Variants in CD177 observed in about 807,000 individuals in gnomAD.
CD177 encodes the protein CD177 antigen.
CD177 carries 41 observed loss-of-function variants against 38.1 expected under a neutral mutation model. That is an observed-to-expected ratio of 1.07 (90% CI 0.84 to 1.39). The LOEUF is 1.39. CD177 is among the 40% of genes most tolerant of loss of function. The pLI is 0.00. For missense variants in CD177, 619 were observed against 523.8 expected (o/e 1.18, Z -1.77); for synonymous variants, 236 against 216.7 (o/e 1.09, Z -0.78).
chr19:43,362,446 A>G lies in CD177; in HGVS notation c.*126A>G, dbSNP rs995235076. ...TCTGTCCATGAATCATCTTCCCCAC[A>G]CACAATCATTCATATCTACTCACCT... On this transcript the variant is annotated 3_prime_UTR_variant, in exon 9 of 9. Transcript: ENST00000618265. The G allele has an allele frequency of 1.7e-6, 1 of 581,874 alleles. No individual in the cohort carries two copies. Among genetic ancestry groups the G allele is most frequent in the African/African-American group, 1.9e-5 (1 of 53,498 alleles). The allele number at this position is 581,874 out of a possible 1,614,324, so 36.0% of individuals were successfully genotyped here. A position where few individuals can be genotyped will look rare whatever the true frequency, so the allele number is the denominator to read the frequency against.
chr19:43,353,721 G>A lies in CD177; in HGVS notation c.7G>A (p.Ala3Thr), dbSNP rs45441892. 10 of 1,613,594 alleles carry A rather than the reference G, an allele frequency of 6.2e-6. No individual in the cohort carries two copies. The South Asian group carries it at 8.8e-5, about 14-fold the overall frequency. ...TACCAGCCACAGACGGGTCATGAGC[G>A]CGGTATTACTGCTGGCCCTCCTGGG... Reference protein sequence around the residue: MSAVLLLALLGFI... With the variant: MSTVLLLALLGFI... The change falls in exon 1 of 9, where the codon GCG (alanine) becomes ACG (threonine). Residue 3 changes from alanine (A) to threonine (T), a missense_variant. Physicochemically the swap from Ala to Thr is moderately conservative, Grantham distance 58 (BLOSUM62 0). Coordinates refer to ENST00000618265, the MANE Select transcript of CD177 (RefSeq NM_020406.4).
intron 3 of CD177, 109 bp downstream of exon 3, chr19:43,354,501 C>A: frequency 8.7e-7 from 1 of 1,149,364 alleles, no homozygotes. Context: ...TATCCCGACC[C>A]TCGCTGGCTC....
intron 6 of CD177, 91 bp downstream of exon 6, chr19:43,360,496 T>C: frequency 1.6e-6 from 2 of 1,287,878 alleles, no homozygotes; most frequent in South Asian, 2.9e-5. Context: ...AATTTCCTGC[T>C]CAGCTCCCTT....
Position 43,361,722 on chromosome 19 carries a change from G to C in CD177, c.1081+143G>C. Reference sequence around the variant, plus strand: ...CTGGACTCCTGGTCCGAGGGAGGAGGGGCTGGGGGCCTGGACTCCTGGTCT... The same window carrying C: ...CTGGACTCCTGGTCCGAGGGAGGAGCGGCTGGGGGCCTGGACTCCTGGTCT... On this transcript the variant is annotated intron_variant, in intron 8 of 8. Transcript: ENST00000618265. 9 of 885,120 alleles carry C rather than the reference G, an allele frequency of 1.0e-5. No homozygotes were observed. The South Asian group carries it at 1.6e-4, about 15-fold the overall frequency. The allele number at this position is 885,120 out of a possible 1,614,324, so 54.8% of individuals were successfully genotyped here. A position where few individuals can be genotyped will look rare whatever the true frequency, so the allele number is the denominator to read the frequency against.
Position 43,362,246 on chromosome 19 carries a change from G to A in CD177, c.1240G>A (p.Glu414Lys). The A allele has an allele frequency of 6.2e-7, 1 of 1,611,046 alleles. No individual in the cohort carries two copies. Among genetic ancestry groups the A allele is most frequent in the East Asian group, 2.2e-5 (1 of 44,840 alleles). The change falls in exon 9 of 9, where the codon GAG (glutamate) becomes AAG (lysine). Residue 414 changes from glutamate to lysine, a missense_variant. Physicochemically the swap from Glu to Lys is moderately conservative, Grantham distance 56 (BLOSUM62 1). Transcript: ENST00000618265. Reference protein sequence around the residue: ...QHEGGGAEGLESLTWGVGLAL... With the variant: ...QHEGGGAEGLKSLTWGVGLAL... ...TGAGGGAGGTGGGGCTGAGGGCCTG[G>A]AGTCTCTCACTTGGGGGGTGGGGCT...
chr19:43,355,601 G>C, intron 3 of CD177, 60 bp from the exon 4 acceptor site: 3 of 1,605,800 alleles, frequency 1.9e-6, no homozygotes, highest in South Asian at 2.2e-5. Context: ...TGCAGAGAAG[G>C]TATCTGATCA....
chr19:43,354,244 G>C lies in CD177; in HGVS notation c.231G>C (p.Thr77=). The part of the protein sequence containing the change: ...QVSLVLSKGC[T]EAKDQEPRVT... The stretch of plus-strand genomic sequence containing the variant: ...GCCTGGTGCTCTCCAAGGGCTGCAC[G>C]GAGGCCAAGGACCAGGAGCCCCGCG... The change falls in exon 3 of 9, where the codon ACG becomes ACC. Residue 77 remains threonine (T), a synonymous_variant. Transcript: ENST00000618265. 1.2e-6 allele frequency: 2 copies of C among 1,613,650 alleles called. No homozygotes were observed. The highest frequency in any genetic ancestry group is 1.7e-6 in the Non-Finnish European group (2 of 1,179,780).
intron 5 of CD177, 47 bp downstream of exon 5, chr19:43,356,155 C>T (rs1331591018): frequency 3.2e-5 from 15 of 464,376 alleles, no homozygotes; most frequent in Non-Finnish European, 4.2e-5. Flanking sequence ...CCTCGGGGCA[C>T]GATGACACAT....
Position 43,361,328 on chromosome 19 carries a change from G to C in CD177, c.946G>C (p.Ala316Pro). ...SVLLNSLPPQ[A>P]APVPGDRQCP... ...TCTGCTGAACTCCCTCCCTCCTCAA[G>C]GTATGGGATCCAGGGCCGTGGAGAA... The change falls in exon 7 of 9, where the codon GCT (alanine) becomes CCT (proline). Residue 316 changes from alanine (A) to proline (P), a missense_variant and splice_region_variant. Coordinates refer to ENST00000618265, the MANE Select transcript of CD177 (RefSeq NM_020406.4). The C allele has an allele frequency of 6.4e-7, 1 of 1,554,986 alleles. No homozygotes were observed. The highest frequency in any genetic ancestry group is 8.8e-7 in the Non-Finnish European group (1 of 1,131,986).
rs767369105 is a variant in CD177, at chr19:43,362,235, C to G, written c.1229C>G (p.Ala410Gly). ...GCCTCTCAGCATGAGGGAGGTGGGGCTGAGGGCCTGGAGTCTCTCACTTGG... is the reference window on the plus strand; with the variant it reads ...GCCTCTCAGCATGAGGGAGGTGGGGGTGAGGGCCTGGAGTCTCTCACTTGG... Reference protein sequence around the residue: ...PPASQHEGGGAEGLESLTWGV... With the variant: ...PPASQHEGGGGEGLESLTWGV... The change falls in exon 9 of 9, where the codon GCT (alanine) becomes GGT (glycine). Residue 410 changes from alanine to glycine, a missense_variant. Coordinates refer to ENST00000618265, the MANE Select transcript of CD177 (RefSeq NM_020406.4). 1.1e-5 allele frequency: 17 copies of G among 1,611,642 alleles called. No homozygotes were observed. In the Admixed American group the frequency reaches 1.5e-4, roughly 14 times the overall value.
Position 43,356,070 on chromosome 19 carries a change from T to A in CD177, c.581T>A (p.Ile194Asn), listed in dbSNP as rs1269934670. The A allele has an allele frequency of 4.6e-6, 3 of 652,118 alleles. No homozygotes were observed. The East Asian group carries it at 8.5e-5, about 18-fold the overall frequency. The allele number at this position is 652,118 out of a possible 1,614,324, so 40.4% of individuals were successfully genotyped here. A position where few individuals can be genotyped will look rare whatever the true frequency, so the allele number is the denominator to read the frequency against. ...AACCTGCTCAATGGGACACAGGAAA[T>A]TGGGCCCGTGGGTATGACTGAGAAC... ...VCNLLNGTQE[I>N]GPVGMTENCD... The change falls in exon 5 of 9, where the codon ATT (isoleucine) becomes AAT (asparagine). Residue 194 changes from isoleucine to asparagine, a missense_variant. Physicochemically the swap from Ile to Asn is moderately radical, Grantham distance 149. Coordinates refer to ENST00000618265, the MANE Select transcript of CD177 (RefSeq NM_020406.4).
At chr19:43,365,821 A>C (rs192548197), downstream of CD177, among the ~76,000 whole-genome samples, 3 of 150,926 alleles carry the variant, frequency 2.0e-5, no homozygotes, top group Non-Finnish European at 4.4e-5. Flanking sequence ...GGAGGGGCAG[A>C]AGGACAGGTG....
At chr19:43,359,967 A>T (rs1440700115) in intron 5 of CD177, among the ~76,000 whole-genome samples, 1 of 150,876 alleles carries the variant, frequency 6.6e-6, no homozygotes, top group Non-Finnish European at 1.5e-5. Context: ...TCAGATGGGG[A>T]AGCAGAGATG....
At chr19:43,354,732 T>G (rs1324552482) in intron 3 of CD177, among the ~76,000 whole-genome samples, 1 of 152,226 alleles carries the variant, frequency 6.6e-6, no homozygotes, top group Non-Finnish European at 1.5e-5. Context: ...GAAGTTCTCC[T>G]GCAGGGTTTT....
In CD177 at chr19:43,355,670, C is replaced by G. The variant is rs868371538; in HGVS notation, c.389C>G (p.Ser130Cys). Reference sequence around the variant, plus strand: ...TCTGTCACTTTCCTAGACCCAGGATCCTTGAGGTGCCCAGTCTGCTTGTCT... The same window carrying G: ...TCTGTCACTTTCCTAGACCCAGGATGCTTGAGGTGCCCAGTCTGCTTGTCT... ...WAPQPPADPGSLRCPVCLSME... is the reference protein window; with the variant it reads ...WAPQPPADPGCLRCPVCLSME... Residue 130 changes from serine to cysteine, a missense_variant, in exon 4 of 9, where the codon TCC becomes TGC. Ser to Cys is a moderately radical substitution (Grantham distance 112, BLOSUM62 -1). Transcript: ENST00000618265. 3.7e-6 allele frequency: 6 copies of G among 1,612,602 alleles called. No homozygotes were observed. The highest frequency in any genetic ancestry group is 5.1e-6 in the Non-Finnish European group (6 of 1,179,266).
In CD177 at chr19:43,360,280, A is replaced by C. The variant is rs1969942241; in HGVS notation, c.635A>C (p.His212Pro). ...CTCTCCCCAGATTTTCTGACCTGTCATCGGGGGACCACCATTATGACACAC... is the reference window on the plus strand; with the variant it reads ...CTCTCCCCAGATTTTCTGACCTGTCCTCGGGGGACCACCATTATGACACAC... ...NCDMKDFLTCHRGTTIMTHGN... is the reference protein window; with the variant it reads ...NCDMKDFLTCPRGTTIMTHGN... The change falls in exon 6 of 9, where the codon CAT becomes CCT. Residue 212 changes from histidine (H) to proline (P), a missense_variant. Physicochemically the swap from His to Pro is moderately conservative, Grantham distance 77. Transcript: ENST00000618265. 3 of 1,613,248 alleles carry C rather than the reference A, an allele frequency of 1.9e-6. No individual in the cohort carries two copies. The highest frequency in any genetic ancestry group is 4.5e-5 in the East Asian group (2 of 44,866).
In CD177 at chr19:43,354,376, C is replaced by A; in HGVS notation, c.363C>A (p.Ala121=). The A allele has an allele frequency of 6.2e-7, 1 of 1,613,882 alleles. No individual in the cohort carries two copies. Among genetic ancestry groups the A allele is most frequent in the Non-Finnish European group, 8.5e-7 (1 of 1,179,882 alleles). The change falls in exon 3 of 9, where the codon GCC becomes GCA. Residue 121 remains alanine, a synonymous_variant. Coordinates refer to ENST00000618265, the MANE Select transcript of CD177 (RefSeq NM_020406.4). ...NNLVNSLPLW[A]PQPPADPGSL... ...TCGTTAACTCCCTCCCGCTTTGGGC[C>A]CCACAGCCCCCAGCAGGTGCCTGCG...
At position 43,362,246 on chromosome 19, in the gene CD177, G is replaced by T; in HGVS notation, c.1240G>T (p.Glu414Ter). The change falls in exon 9 of 9, where the codon GAG becomes TAG. Residue 414 changes from glutamate to a stop codon, truncating the protein, a stop_gained. Transcript: ENST00000618265. LOFTEE classifies it low-confidence loss of function (END_TRUNC). ...QHEGGGAEGLESLTWGVGLAL... is the reference protein window; with the variant it reads ...QHEGGGAEGL ...TGAGGGAGGTGGGGCTGAGGGCCTGGAGTCTCTCACTTGGGGGGTGGGGCT... is the reference window on the plus strand; with the variant it reads ...TGAGGGAGGTGGGGCTGAGGGCCTGTAGTCTCTCACTTGGGGGGTGGGGCT... 3.7e-6 allele frequency: 6 copies of T among 1,611,046 alleles called. No homozygotes were observed. Among genetic ancestry groups the T allele is most frequent in the Non-Finnish European group, 5.1e-6 (6 of 1,177,306 alleles).
intron 3 of CD177, among the ~76,000 whole-genome samples, chr19:43,354,733 G>A (rs1181201493): frequency 2.0e-5 from 3 of 152,090 alleles, no homozygotes; most frequent in Non-Finnish European, 4.4e-5. Flanking sequence ...AAGTTCTCCT[G>A]CAGGGTTTTT....
Sources: allele counts gnomAD v4.1 joint callset (sites outside exome capture counted in the v4.1 genomes callset), GRCh38; gene constraint gnomAD v4.1.1; transcripts MANE v1.5; gene names NCBI Gene and HGNC (gene_info 2026-07-23, HGNC 2026-07-21).